Variants in PGAP1 observed in about 807,000 individuals in gnomAD.
PGAP1 encodes the protein post-GPI attachment to proteins inositol deacylase 1, also known as GPI inositol-deacylase.
In PGAP1, 76 loss-of-function variants were observed where a neutral mutation model predicts 127.0. The ratio of observed to expected loss-of-function variants is 0.60; its 90% CI spans 0.50 to 0.72. The LOEUF is 0.72. Ranked by LOEUF, PGAP1 falls within the 30% of genes least tolerant of loss-of-function variation. The probability of loss-of-function intolerance (pLI) is 0.00; values close to 1 mark genes in which losing one functional copy is unlikely to be tolerated. For missense variants in PGAP1, 982 were observed against 1,071.3 expected, an observed-to-expected ratio of 0.92 and a Z score of 1.16; for synonymous variants, 362 against 366.5, an observed-to-expected ratio of 0.99 and a Z score of 0.14.
intron 19 of PGAP1, among the ~76,000 whole-genome samples, chr2:196,869,522 G>C (rs1360515360): frequency 3.9e-5 from 6 of 152,130 alleles, no homozygotes; most frequent in Admixed American, 3.9e-4. Context: ...TTTTAATAGA[G>C]ACGGGGTTTC....
Position 196,926,335 on chromosome 2 carries a change from G to A in PGAP1, c.147+135C>T, listed in dbSNP as rs1703359310. On this transcript the variant is annotated intron_variant, in intron 1 of 26. Coordinates refer to ENST00000354764, the MANE Select transcript of PGAP1 (RefSeq NM_024989.4). ...GGGGGATGCAGAGTCTCCCCGGGCG[G>A]AGAAAACAGAGGCGAGGACGGGACA... is the stretch of plus-strand genomic sequence containing the variant. 5.1e-6 allele frequency: 7 copies of A among 1,360,142 alleles called. No individual in the cohort carries two copies. In the East Asian group the frequency reaches 1.4e-4, roughly 28 times the overall value. The allele number at this position is 1,360,142 out of a possible 1,614,324, so 84.3% of individuals were successfully genotyped here.
intron 12 of PGAP1, among the ~76,000 whole-genome samples, chr2:196,882,059 C>A (rs1227858140): frequency 6.6e-6 from 1 of 152,184 alleles, no homozygotes; most frequent in Non-Finnish European, 1.5e-5. Context: ...TTTCAACCTT[C>A]TGCATAAGGC....
At position 196,885,880 on chromosome 2, in the gene PGAP1, C is replaced by A. The variant is rs770653789; in HGVS notation, c.1174G>T (p.Asp392Tyr). The stretch of plus-strand genomic sequence containing the variant: ...CAAGCAAAAATCCAACTATTTGTAT[C>A]CTGTTGATGAACAGCACAAAACAAA... ...THVYCQSTML[D>Y]TNSWIFACIN... Residue 392 changes from aspartate to tyrosine, a missense_variant and splice_region_variant, in exon 11 of 27, where the codon GAT becomes TAT. Transcript: ENST00000354764. The A allele has an allele frequency of 7.1e-7, 1 of 1,405,144 alleles. No individual in the cohort carries two copies. The highest frequency in any genetic ancestry group is 2.7e-5 in the Admixed American group (1 of 36,376). The allele number at this position is 1,405,144 out of a possible 1,614,324, so 87.0% of individuals were successfully genotyped here.
intron 4 of PGAP1, among the ~76,000 whole-genome samples, chr2:196,907,025 CT>C (rs1390434382): frequency 7.3e-6 from 1 of 136,876 alleles, no homozygotes; most frequent in Non-Finnish European, 1.6e-5. Context: ...GGAAAACACT[CT>C]GCAGGATATT....
At chr2:196,914,110 T>C (rs978113168) in intron 3 of PGAP1, among the ~76,000 whole-genome samples, 1 of 152,176 alleles carries the variant, frequency 6.6e-6, no homozygotes, top group Non-Finnish European at 1.5e-5. Flanking sequence ...ACCCTACAAC[T>C]GTGCTCTGAA....
intron 5 of PGAP1, 80 bp from the exon 6 acceptor site, chr2:196,898,449 AT>A: frequency 1.1e-6 from 1 of 913,074 alleles, no homozygotes; most frequent in Non-Finnish European, 1.8e-6. Flanking sequence ...ACAAGCTAAT[AT>A]TTAGAAACAC....
rs770250997 is a variant in PGAP1, at chr2:196,842,738, A to T, written c.2613T>A (p.Thr871=). The T allele has an allele frequency of 1.9e-6, 3 of 1,556,340 alleles. No individual in the cohort carries two copies. In the South Asian group the frequency reaches 3.6e-5, roughly 19 times the overall value. The change falls in exon 26 of 27, where the codon ACT becomes ACA. Residue 871 remains threonine (T), a synonymous_variant. Transcript: ENST00000354764. ...PTMAILGNTY[T]VSIKSSKLLK... ...TACTGTACCTTGATTTTATTGAAAC[A>T]GTGTAAGTATTTCCAAGAATTGCCA...
chr2:196,877,398 T>C (rs1366265736), intron 13 of PGAP1, among the ~76,000 whole-genome samples: 9 of 152,048 alleles, frequency 5.9e-5, no homozygotes, highest in African/African-American at 2.2e-4. Context: ...TGAGATGGGG[T>C]TGTACAACAG....
At chr2:196,855,030 A>G (rs1485685471) in intron 20 of PGAP1, among the ~76,000 whole-genome samples, 2 of 150,778 alleles carry the variant, frequency 1.3e-5, no homozygotes, top group East Asian at 3.9e-4. Context: ...CTCAAAAGTC[A>G]TCTTCATATC....
intron 10 of PGAP1, among the ~76,000 whole-genome samples, chr2:196,888,391 T>C (rs1466954818): frequency 2.0e-5 from 3 of 152,232 alleles, no homozygotes; most frequent in Admixed American, 2.0e-4. Context: ...CCAGATATTA[T>C]GTACCTCCTG....
intron 1 of PGAP1, among the ~76,000 whole-genome samples, chr2:196,925,806 C>A (rs1264779120): frequency 6.6e-6 from 1 of 152,142 alleles, no homozygotes; most frequent in African/African-American, 2.4e-5. Context: ...CCCACACACG[C>A]ACGGCCCCTT....
chr2:196,836,636 G>C lies in PGAP1; in HGVS notation c.*4598C>G, dbSNP rs1446020633. The C allele has an allele frequency of 1.3e-5, 2 of 152,086 alleles. No individual in the cohort carries two copies. The highest frequency in any genetic ancestry group is 4.8e-5 in the African/African-American group (2 of 41,426). The allele number at this position is 152,086 out of a possible 1,614,324, so 9.4% of individuals were successfully genotyped here. A position where few individuals can be genotyped will look rare whatever the true frequency, so the allele number is the denominator to read the frequency against. ...GCTATTAAACATATTGTGAAAGAAT[G>C]CATGAGTAATGGGTAAACATAAAAG... On this transcript the variant is annotated 3_prime_UTR_variant, in exon 27 of 27. Transcript: ENST00000354764.
rs1420524157 is a variant in PGAP1 at position 196,834,071 on chromosome 2, A to G, written c.*7163T>C. On this transcript the variant is annotated 3_prime_UTR_variant, in exon 27 of 27. Coordinates refer to ENST00000354764, the MANE Select transcript of PGAP1 (RefSeq NM_024989.4). ...AGCCTCAATAAGTTCAGAAAGAATG[A>G]GCACAAGTCAAAGAATTCATGTCTT... is the stretch of plus-strand genomic sequence containing the variant. 5 of 152,074 alleles carry G rather than the reference A, an allele frequency of 3.3e-5. No homozygotes were observed. The highest frequency in any genetic ancestry group is 5.9e-5 in the Non-Finnish European group (4 of 67,928). The allele number at this position is 152,074 out of a possible 1,614,324, so 9.4% of individuals were successfully genotyped here.
chr2:196,922,188 T>C, intron 1 of PGAP1: 1 of 1,298,004 alleles, frequency 7.7e-7, no homozygotes. Flanking sequence ...TTCTCATCTC[T>C]ACATAAACTC....
intron 21 of PGAP1, chr2:196,847,458 C>A: frequency 2.2e-5 from 3 of 135,896 alleles, no homozygotes; most frequent in East Asian, 1.8e-4. Flanking sequence ...GTAATATGTT[C>A]TTTTTTTTTT....
intron 14 of PGAP1, among the ~76,000 whole-genome samples, chr2:196,875,466 G>A (rs939621759): frequency 1.3e-5 from 2 of 152,008 alleles, no homozygotes; most frequent in African/African-American, 2.4e-5. Flanking sequence ...TATTAAAATT[G>A]TATTAATAAG....
intron 5 of PGAP1, among the ~76,000 whole-genome samples, chr2:196,900,788 A>G (rs1022133216): frequency 1.3e-5 from 2 of 152,120 alleles, no homozygotes; most frequent in Non-Finnish European, 2.9e-5. Context: ...TTAGCTGGGC[A>G]TGGTGGCGGA....
chr2:196,846,239 A>G (rs568134496), intron 22 of PGAP1, among the ~76,000 whole-genome samples: 1 of 152,198 alleles, frequency 6.6e-6, no homozygotes, highest in Non-Finnish European at 1.5e-5. Flanking sequence ...TGATAATACT[A>G]TAGCTGATAC....
At chr2:196,914,869 A>G (rs919690919) in intron 3 of PGAP1, among the ~76,000 whole-genome samples, 7 of 148,052 alleles carry the variant, frequency 4.7e-5, no homozygotes, top group Non-Finnish European at 7.4e-5. Flanking sequence ...GCTGGAGCGC[A>G]GTGGCACGAT....
Sources: allele counts gnomAD v4.1 joint callset (sites outside exome capture counted in the v4.1 genomes callset), GRCh38; gene constraint gnomAD v4.1.1; transcripts MANE v1.5; gene names NCBI Gene and HGNC (gene_info 2026-07-23, HGNC 2026-07-21).